DLGAP2: variants seen among roughly 807,000 people sequenced by gnomAD.
The protein encoded by DLGAP2 is disks large-associated protein 2.
Under a neutral mutation model 100.3 loss-of-function variants are expected in DLGAP2, and 26 were observed. That is an observed-to-expected ratio of 0.26 (90% CI 0.19 to 0.36). The LOEUF is 0.36. Ranked by LOEUF, DLGAP2 falls within the 10% of genes least tolerant of loss-of-function variation. The pLI, the probability that DLGAP2 is intolerant of heterozygous loss-of-function variation, is 1.00. For missense variants in DLGAP2, 1,858 were observed against 1,453.2 expected (o/e 1.28, Z -4.53); for synonymous variants, 886 against 630.1 (o/e 1.41, Z -6.08).
intron 2 of DLGAP2, among the ~76,000 whole-genome samples, chr8:1,110,101 TGTGC>T (rs1804900547): frequency 7.1e-6 from 1 of 140,464 alleles, no homozygotes; most frequent in African/African-American, 2.7e-5. Context: ...GTCTGTGAGG[TGTGC>T]ATGGGTCTGT....
At chr8:1,142,437 C>T (rs1315681884) in intron 2 of DLGAP2, among the ~76,000 whole-genome samples, 1 of 152,168 alleles carries the variant, frequency 6.6e-6, no homozygotes, top group Non-Finnish European at 1.5e-5. Context: ...TGTTCGCACA[C>T]AGAGATTAGA....
intron 2 of DLGAP2, among the ~76,000 whole-genome samples, chr8:1,099,323 G>C (rs1480974042): frequency 1.3e-5 from 2 of 152,230 alleles, no homozygotes; most frequent in Admixed American, 6.5e-5. Context: ...CGTCCTGTGT[G>C]TTGCGTAGAG....
At chr8:889,985 C>G (rs939001445) in intron 1 of DLGAP2, among the ~76,000 whole-genome samples, 7 of 152,086 alleles carry the variant, frequency 4.6e-5, no homozygotes, top group Non-Finnish European at 7.4e-5. Flanking sequence ...CACCGCCTCC[C>G]TTGGCTGGGG....
At chr8:1,358,048 C>G (rs1801896660) in intron 3 of DLGAP2, among the ~76,000 whole-genome samples, 1 of 152,186 alleles carries the variant, frequency 6.6e-6, no homozygotes, top group Non-Finnish European at 1.5e-5. Context: ...CTGGCAGGTG[C>G]TCCAGGAGTG....
intron 2 of DLGAP2, among the ~76,000 whole-genome samples, chr8:1,046,049 G>A (rs146305623): frequency 3.9e-5 from 6 of 152,280 alleles, no homozygotes; most frequent in African/African-American, 1.2e-4. Flanking sequence ...CAATTTTGTC[G>A]AAGATTTTTC....
rs540946491 is a variant in DLGAP2 at position 1,093,487 on chromosome 8, C to T, written c.74-165364C>T. 4.6e-5 allele frequency among the ~76,000 whole-genome samples: 7 copies of T among 150,838 alleles called. No homozygotes were observed. In the East Asian group the frequency reaches 5.9e-4, roughly 13 times the overall value. ...CAGCCAGACAGAAACACCTTCACAC[C>T]GACAGCCAGAAACACCTTCACACCA... On this transcript the variant is annotated intron_variant, in intron 2 of 14. Coordinates refer to ENST00000637795, the MANE Select transcript of DLGAP2 (RefSeq NM_001346810.2).
At chr8:856,459 A>T (rs1284736582) in intron 1 of DLGAP2, among the ~76,000 whole-genome samples, 2 of 152,116 alleles carry the variant, frequency 1.3e-5, no homozygotes, top group African/African-American at 4.8e-5. Context: ...TAGTGCTGGG[A>T]TTACAGGCAT....
At chr8:1,032,338 G>C (rs1801999499) in intron 2 of DLGAP2, among the ~76,000 whole-genome samples, 1 of 152,234 alleles carries the variant, frequency 6.6e-6, no homozygotes, top group African/African-American at 2.4e-5. Flanking sequence ...CTGGGACAGT[G>C]CCGTCTGCCT....
intron 8 of DLGAP2, among the ~76,000 whole-genome samples, chr8:1,649,383 A>G (rs1379240599): frequency 6.6e-6 from 1 of 152,146 alleles, no homozygotes; most frequent in South Asian, 2.1e-4. Context: ...AGTCATTGCT[A>G]TTTATATTGT....
intron 2 of DLGAP2, among the ~76,000 whole-genome samples, chr8:923,300 G>T (rs1008836251): frequency 3.9e-5 from 6 of 152,218 alleles, no homozygotes; most frequent in African/African-American, 1.4e-4. Flanking sequence ...AGTCTTGGCA[G>T]ATAAGCTTTC....
chr8:881,108 T>C (rs1467215851), intron 1 of DLGAP2, among the ~76,000 whole-genome samples: 2 of 152,250 alleles, frequency 1.3e-5, no homozygotes, highest in East Asian at 3.8e-4. Flanking sequence ...AAAAATGACT[T>C]AGAGCAATAC....
intron 4 of DLGAP2, among the ~76,000 whole-genome samples, chr8:1,516,605 G>T (rs1800398548): frequency 6.6e-6 from 1 of 151,914 alleles, no homozygotes; most frequent in African/African-American, 2.4e-5. Flanking sequence ...GTGCATGAAT[G>T]AGTGAGTGAA....
chr8:1,464,288 C>CTT (rs1331904556), intron 3 of DLGAP2, among the ~76,000 whole-genome samples: 1 of 82,378 alleles, frequency 1.2e-5, no homozygotes, highest in Admixed American at 1.3e-4. Flanking sequence ...CAGGACAACG[C>CTT]CCTTCCAGGA....
At chr8:1,031,335 T>C (rs975042995) in intron 2 of DLGAP2, among the ~76,000 whole-genome samples, 7 of 152,200 alleles carry the variant, frequency 4.6e-5, no homozygotes, top group African/African-American at 1.4e-4. Flanking sequence ...GCTAGAAGCA[T>C]GTTAGTTACA....
intron 4 of DLGAP2, among the ~76,000 whole-genome samples, chr8:1,515,599 G>C (rs998814831): frequency 4.0e-5 from 6 of 151,572 alleles, no homozygotes; most frequent in Non-Finnish European, 8.8e-5. Flanking sequence ...AAAATATGCA[G>C]ACACACGTGC....
intron 2 of DLGAP2, among the ~76,000 whole-genome samples, chr8:1,131,506 C>G (rs1796293742): frequency 6.6e-6 from 1 of 152,202 alleles, no homozygotes; most frequent in Non-Finnish European, 1.5e-5. Context: ...CCACCACCCA[C>G]ATAACCTCAT....
chr8:910,693 A>G (rs1798467296), intron 2 of DLGAP2: 1 of 152,188 alleles, frequency 6.6e-6, no homozygotes, highest in Admixed American at 6.5e-5. Flanking sequence ...AAGCCGAGAT[A>G]CACGGGAAGT....
intron 1 of DLGAP2, among the ~76,000 whole-genome samples, chr8:846,899 A>T (rs1164169759): frequency 2.6e-5 from 4 of 152,100 alleles, no homozygotes; most frequent in Non-Finnish European, 5.9e-5. Context: ...TGTTTTGTTT[A>T]GGGTTATTCT....
At chr8:1,304,417 A>G (rs17063798) in intron 3 of DLGAP2, among the ~76,000 whole-genome samples, 2,670 of 152,352 alleles carry the variant, frequency 0.018, 22 homozygotes, top group Middle Eastern at 0.051. Flanking sequence ...AGAAAGTTGT[A>G]CATGAGATTT....
Sources: allele counts gnomAD v4.1 joint callset (sites outside exome capture counted in the v4.1 genomes callset), GRCh38; gene constraint gnomAD v4.1.1; transcripts MANE v1.5; gene names NCBI Gene and HGNC (gene_info 2026-07-23, HGNC 2026-07-21).